CNTN4: variants seen among roughly 807,000 people sequenced by gnomAD.
The protein encoded by CNTN4 is contactin 4, also known as contactin-4.
Under a neutral mutation model 122.5 loss-of-function variants are expected in CNTN4, and 77 were observed. The ratio of observed to expected loss-of-function variants is 0.63; its 90% CI spans 0.52 to 0.76. The LOEUF (loss-of-function observed/expected upper bound fraction) is 0.76, where lower values mean the gene tolerates loss of function less well. Ranked by LOEUF, CNTN4 falls within the 30% of genes least tolerant of loss-of-function variation. The pLI is 0.00. For missense variants in CNTN4, 1,256 were observed against 1,259.1 expected (o/e 1.00, Z 0.04); for synonymous variants, 512 against 447.0 (o/e 1.15, Z -1.83).
intron 2 of CNTN4, among the ~76,000 whole-genome samples, chr3:2,222,121 C>T (rs1041819893): frequency 2.0e-5 from 3 of 152,070 alleles, no homozygotes; most frequent in African/African-American, 7.2e-5. Context: ...CAGCATGATT[C>T]ATAGTTGCCA....
At chr3:3,052,532 G>A (rs149150) in intron 23 of CNTN4, among the ~76,000 whole-genome samples, 62,386 of 151,960 alleles carry the variant, frequency 0.41, 13,568 homozygotes, top group African/African-American at 0.52. Context: ...TTTGTCAGGG[G>A]AAACTACAGA....
chr3:2,537,569 G>A (rs999468616), intron 3 of CNTN4, among the ~76,000 whole-genome samples: 7 of 152,106 alleles, frequency 4.6e-5, no homozygotes, highest in African/African-American at 1.7e-4. Flanking sequence ...CACATTATTT[G>A]TCATATGTAT....
At chr3:2,294,091 G>A (rs2042222581) in intron 2 of CNTN4, among the ~76,000 whole-genome samples, 1 of 152,174 alleles carries the variant, frequency 6.6e-6, no homozygotes, top group Non-Finnish European at 1.5e-5. Flanking sequence ...ATGGTGGTGA[G>A]GCAGGCCAAA....
chr3:2,904,384 T>C (rs1364166070), intron 12 of CNTN4, among the ~76,000 whole-genome samples: 1 of 152,184 alleles, frequency 6.6e-6, no homozygotes, highest in Non-Finnish European at 1.5e-5. Flanking sequence ...TTCTGTGCAA[T>C]GTAAAAAAAT....
chr3:2,236,658 G>C (rs1374260997), intron 2 of CNTN4, among the ~76,000 whole-genome samples: 1 of 152,206 alleles, frequency 6.6e-6, no homozygotes, highest in Non-Finnish European at 1.5e-5. Context: ...AGCCATGTCT[G>C]TGTCCAAATG....
At chr3:2,247,514 G>A (rs1348808104) in intron 2 of CNTN4, among the ~76,000 whole-genome samples, 1 of 151,964 alleles carries the variant, frequency 6.6e-6, no homozygotes, top group African/African-American at 2.4e-5. Flanking sequence ...GTTTTACAGG[G>A]AAAATTGCTA....
chr3:2,282,580 G>C (rs2041758715), intron 2 of CNTN4, among the ~76,000 whole-genome samples: 1 of 152,070 alleles, frequency 6.6e-6, no homozygotes, highest in Non-Finnish European at 1.5e-5. Flanking sequence ...AGCAAACAAA[G>C]CAAAACTATT....
intron 4 of CNTN4, among the ~76,000 whole-genome samples, chr3:2,613,984 G>T (rs1419660248): frequency 6.6e-6 from 1 of 152,072 alleles, no homozygotes; most frequent in African/African-American, 2.4e-5. Context: ...AGTAATGAAT[G>T]AGATAGATAA....
intron 3 of CNTN4, among the ~76,000 whole-genome samples, chr3:2,474,096 G>T (rs566028144): frequency 6.6e-6 from 1 of 151,674 alleles, no homozygotes; most frequent in Non-Finnish European, 1.5e-5. Context: ...ACTGTCTGCC[G>T]GGGTGTCATC....
At chr3:2,777,674 T>C (rs958350290) in intron 6 of CNTN4, among the ~76,000 whole-genome samples, 1 of 152,234 alleles carries the variant, frequency 6.6e-6, no homozygotes, top group Non-Finnish European at 1.5e-5. Flanking sequence ...TTGGTTTATT[T>C]GGGAGGTATC....
intron 12 of CNTN4, among the ~76,000 whole-genome samples, chr3:2,917,159 G>A (rs2094373128): frequency 6.8e-6 from 1 of 147,590 alleles, no homozygotes; most frequent in Non-Finnish European, 1.5e-5. Flanking sequence ...AAACCAGTCA[G>A]GCGTGGCGGC....
chr3:2,134,972 A>G (rs556894640), intron 2 of CNTN4, among the ~76,000 whole-genome samples: 2 of 152,324 alleles, frequency 1.3e-5, no homozygotes, highest in East Asian at 3.9e-4. Context: ...CCAAATGTCT[A>G]CACAACCTGT....
intron 3 of CNTN4, among the ~76,000 whole-genome samples, chr3:2,419,080 G>A (rs1312518006): frequency 6.6e-6 from 1 of 152,116 alleles, no homozygotes; most frequent in African/African-American, 2.4e-5. Context: ...TGGCTATATG[G>A]TTCACGTTTA....
rs978902305 is a variant in CNTN4 at position 2,736,074 on chromosome 3, C to G, written c.56-141C>G. On this transcript the variant is annotated intron_variant, in intron 4 of 24. Coordinates refer to ENST00000418658, the MANE Select transcript of CNTN4 (RefSeq NM_175607.3). ...TTAACCTTCAATGGGAAATTTTCTT[C>G]TAGAAGCTGAAACACAGCCTGTTGT... 4.6e-6 allele frequency: 4 copies of G among 872,470 alleles called. No individual in the cohort carries two copies. The African/African-American group carries it at 5.0e-5, about 11-fold the overall frequency. 54.0% of individuals were successfully genotyped at this position (872,470 alleles called of 1,614,324 possible).
chr3:2,640,063 T>C (rs950864872), intron 4 of CNTN4, among the ~76,000 whole-genome samples: 20 of 152,226 alleles, frequency 1.3e-4, no homozygotes, highest in African/African-American at 4.8e-4. Context: ...AAATTCTGTT[T>C]TTGTCTGGCT....
At chr3:2,358,858 A>G (rs989476146) in intron 3 of CNTN4, among the ~76,000 whole-genome samples, 2 of 152,178 alleles carry the variant, frequency 1.3e-5, no homozygotes, top group African/African-American at 4.8e-5. Context: ...ATAAAATACC[A>G]GAGGATGTCA....
intron 3 of CNTN4, among the ~76,000 whole-genome samples, chr3:2,369,838 T>G (rs1359036777): frequency 6.6e-6 from 1 of 152,182 alleles, no homozygotes; most frequent in Non-Finnish European, 1.5e-5. Context: ...TGCCTTTCTT[T>G]TATCCACCCT....
chr3:2,502,836 T>C (rs1435890930), intron 3 of CNTN4, among the ~76,000 whole-genome samples: 1 of 152,102 alleles, frequency 6.6e-6, no homozygotes, highest in African/African-American at 2.4e-5. Context: ...CAAAAGTTCT[T>C]TTATAAATCT....
chr3:2,883,905 T>A (rs2093939851), intron 9 of CNTN4, among the ~76,000 whole-genome samples: 1 of 152,222 alleles, frequency 6.6e-6, no homozygotes, highest in Non-Finnish European at 1.5e-5. Flanking sequence ...ATTTGGGATT[T>A]TTATTTGCCA....
Sources: gnomAD v4.1 joint callset for allele counts (sites outside exome capture counted in the v4.1 genomes callset) on GRCh38, gnomAD v4.1.1 for gene constraint, MANE v1.5 for transcripts, NCBI Gene and HGNC (gene_info 2026-07-23, HGNC 2026-07-21) for gene names.